Variants in PTX3 observed in about 807,000 individuals in gnomAD.
The protein encoded by PTX3 is pentraxin 3.
In PTX3, 24 loss-of-function variants were observed where a neutral mutation model predicts 23.5. The ratio of observed to expected loss-of-function variants is 1.02; its 90% CI spans 0.74 to 1.43. The LOEUF (loss-of-function observed/expected upper bound fraction) is 1.43, where lower values mean the gene tolerates loss of function less well. Among genes scored for constraint, PTX3 ranks in the 40% most tolerant of loss-of-function variants. PTX3 has a pLI of 0.00. For missense variants in PTX3, 510 were observed against 497.5 expected (o/e 1.02, Z -0.24); for synonymous variants, 218 against 205.4 (o/e 1.06, Z -0.53).
In PTX3 at chr3:157,442,579, T is replaced by C. The variant is rs1261660418; in HGVS notation, c.746T>C (p.Val249Ala). ...AGCTACCAATCCATAGTGTTTGTGG[T>C]GGGTGGAGAGGAGAACAAACTGGTT... ...YLSYQSIVFVVGGEENKLVAE... is the reference protein window; with the variant it reads ...YLSYQSIVFVAGGEENKLVAE... Residue 249 changes from valine (V) to alanine (A), a missense_variant, in exon 3 of 3, where the codon GTG (valine) becomes GCG (alanine). Physicochemically the swap from Val to Ala is moderately conservative, Grantham distance 64 (BLOSUM62 0). Transcript: ENST00000295927. 1 of 1,613,992 alleles carries C rather than the reference T, an allele frequency of 6.2e-7. No homozygotes were observed. Among genetic ancestry groups the C allele is most frequent in the Non-Finnish European group, 8.5e-7 (1 of 1,180,028 alleles).
rs753901706 is a variant in PTX3 at position 157,437,795 on chromosome 3, A to C, written c.413A>C (p.Glu138Ala). ...AGGCTGGCGCGTATGGAGGGCGCGGAGGCGCAGCGCCCAGAGGAGGCGGGG... is the reference window on the plus strand; with the variant it reads ...AGGCTGGCGCGTATGGAGGGCGCGGCGGCGCAGCGCCCAGAGGAGGCGGGG... ...GRRLARMEGA[E>A]AQRPEEAGRA... Residue 138 changes from glutamate to alanine, a missense_variant, in exon 2 of 3, where the codon GAG becomes GCG. Glu to Ala is a moderately radical substitution (Grantham distance 107). Transcript: ENST00000295927. 5.4e-5 allele frequency: 79 copies of C among 1,463,778 alleles called. No homozygotes were observed. The South Asian group carries it at 6.2e-4, about 12-fold the overall frequency. The allele number at this position is 1,463,778 out of a possible 1,614,324, so 90.7% of individuals were successfully genotyped here. A position where few individuals can be genotyped will look rare whatever the true frequency, so the allele number is the denominator to read the frequency against.
intron 2 of PTX3, among the ~76,000 whole-genome samples, 194 bp from the exon 3 acceptor site, chr3:157,442,172 C>T (rs1390602838): frequency 6.6e-6 from 1 of 152,100 alleles, no homozygotes; most frequent in Admixed American, 6.5e-5. Flanking sequence ...TTGGATAAGA[C>T]AATTGGCTTT....
intron 2 of PTX3, among the ~76,000 whole-genome samples, chr3:157,441,303 G>A (rs1444417650): frequency 1.3e-5 from 2 of 152,112 alleles, no homozygotes; most frequent in Non-Finnish European, 2.9e-5. Flanking sequence ...TTTTACCTAA[G>A]TTTTCTCATC....
chr3:157,440,268 G>A (rs1378329845), intron 2 of PTX3, among the ~76,000 whole-genome samples: 1 of 152,102 alleles, frequency 6.6e-6, no homozygotes, highest in African/African-American at 2.4e-5. Context: ...CCAGTTTTGT[G>A]TTTTAGTATT....
At position 157,437,034 on chromosome 3, in the gene PTX3, T is replaced by C. The variant is rs1733644679; in HGVS notation, c.101T>C (p.Ile34Thr). ...ATGTATGTGAATTTGGACAACGAAATAGACAATGGACTCCATCCCACTGAG... is the reference window on the plus strand; with the variant it reads ...ATGTATGTGAATTTGGACAACGAAACAGACAATGGACTCCATCCCACTGAG... The part of the protein sequence containing the change: ...DLMYVNLDNE[I>T]DNGLHPTEDP... The change falls in exon 1 of 3, where the codon ATA (isoleucine) becomes ACA (threonine). Residue 34 changes from isoleucine to threonine, a missense_variant. Ile to Thr is a moderately conservative substitution (Grantham distance 89, BLOSUM62 -1). Coordinates refer to ENST00000295927, the MANE Select transcript of PTX3 (RefSeq NM_002852.4). 6.2e-7 allele frequency: 1 copy of C among 1,614,064 alleles called. No individual in the cohort carries two copies. Among genetic ancestry groups the C allele is most frequent in the African/African-American group, 1.3e-5 (1 of 75,050 alleles).
chr3:157,442,839 T>A lies in PTX3; in HGVS notation c.1006T>A (p.Phe336Ile). ...AGCCTTCTCTGGGAGACTCACAGGC[T>A]TCAATATCTGGGATAGTGTTCTTAG... ...TLAFSGRLTG[F>I]NIWDSVLSNE... The change falls in exon 3 of 3, where the codon TTC becomes ATC. Residue 336 changes from phenylalanine (F) to isoleucine (I), a missense_variant. Physicochemically the swap from Phe to Ile is conservative, Grantham distance 21 (BLOSUM62 0). Transcript: ENST00000295927. 1.2e-6 allele frequency: 2 copies of A among 1,614,228 alleles called. No individual in the cohort carries two copies. The highest frequency in any genetic ancestry group is 8.5e-7 in the Non-Finnish European group (1 of 1,180,034).
In PTX3 at chr3:157,442,685, G is replaced by A; in HGVS notation, c.852G>A (p.Trp284Ter). Residue 284 changes from tryptophan to a stop codon, truncating the protein, a stop_gained, in exon 3 of 3, where the codon TGG (tryptophan) becomes TGA (stop). Transcript: ENST00000295927. LOFTEE classifies it high-confidence loss of function. ...WNSEEGLTSL[W>*]VNGELAATTV... is the part of the protein sequence containing the mutation. ...CAGAGGAAGGGCTCACATCCTTGTGGGTAAATGGTGAACTGGCGGCTACCA... is the reference window on the plus strand; with the variant it reads ...CAGAGGAAGGGCTCACATCCTTGTGAGTAAATGGTGAACTGGCGGCTACCA... The A allele has an allele frequency of 6.2e-7, 1 of 1,614,218 alleles. No individual in the cohort carries two copies. The highest frequency in any genetic ancestry group is 8.5e-7 in the Non-Finnish European group (1 of 1,180,046).
Position 157,442,434 on chromosome 3 carries a change from C to T in PTX3, c.601C>T (p.Pro201Ser), listed in dbSNP as rs773734629. The stretch of plus-strand genomic sequence containing the variant: ...TTTTGGAAGCGTGCATCCAGTGAGA[C>T]CAATGAGGCTTGAGTCTTTTAGTGC... ...KIFGSVHPVR[P>S]MRLESFSACI... Residue 201 changes from proline to serine, a missense_variant, in exon 3 of 3, where the codon CCA becomes TCA. By Grantham distance (74) the Pro-to-Ser change is moderately conservative (BLOSUM62 -1). Coordinates refer to ENST00000295927, the MANE Select transcript of PTX3 (RefSeq NM_002852.4). 2 of 1,614,156 alleles carry T rather than the reference C, an allele frequency of 1.2e-6. No individual in the cohort carries two copies. Among genetic ancestry groups the T allele is most frequent in the South Asian group, 1.1e-5 (1 of 91,086 alleles).
Position 157,436,925 on chromosome 3 carries a change from T to C in PTX3, c.-9T>C. On this transcript the variant is annotated 5_prime_UTR_variant, in exon 1 of 3. Transcript: ENST00000295927. Reference sequence around the variant, plus strand: ...CCAGCTGTGGAAAGAACTTTGCGTCTCTCCAGCAATGCATCTCCTTGCGAT... The same window carrying C: ...CCAGCTGTGGAAAGAACTTTGCGTCCCTCCAGCAATGCATCTCCTTGCGAT... 2 of 1,611,158 alleles carry C rather than the reference T, an allele frequency of 1.2e-6. No homozygotes were observed. Among genetic ancestry groups the C allele is most frequent in the Non-Finnish European group, 8.5e-7 (1 of 1,178,310 alleles).
chr3:157,442,062 T>C (rs1734165539), intron 2 of PTX3, among the ~76,000 whole-genome samples: 1 of 152,186 alleles, frequency 6.6e-6, no homozygotes, highest in South Asian at 2.1e-4. Context: ...AAAGAAAATA[T>C]GCAAATTGGA....
At chr3:157,438,037 G>GCACACA (rs781700719) in intron 2 of PTX3, 123 bp downstream of exon 2, 5,929 of 514,856 alleles carry the variant, frequency 0.012, 26 homozygotes, top group East Asian at 0.02. Flanking sequence ...GCGCGCGCGC[G>GCACACA]CACACACACA....
chr3:157,437,758 G>C lies in PTX3; in HGVS notation c.376G>C (p.Asp126His), dbSNP rs776007575. 31 of 1,488,502 alleles carry C rather than the reference G, an allele frequency of 2.1e-5. No individual in the cohort carries two copies. The highest frequency in any genetic ancestry group is 4.4e-5 in the African/African-American group (3 of 67,948). 92.2% of individuals were successfully genotyped at this position (1,488,502 alleles called of 1,614,324 possible). The part of the protein sequence containing the change: ...ALDELLQATR[D>H]AGRRLARMEG... ...GGACGAGCTGCTGCAGGCGACCCGCGACGCGGGCCGCAGGCTGGCGCGTAT... is the reference window on the plus strand; with the variant it reads ...GGACGAGCTGCTGCAGGCGACCCGCCACGCGGGCCGCAGGCTGGCGCGTAT... The change falls in exon 2 of 3, where the codon GAC becomes CAC. Residue 126 changes from aspartate (D) to histidine (H), a missense_variant. Transcript: ENST00000295927.
Position 157,442,646 on chromosome 3 carries a change from CG to C in PTX3, c.815del (p.Gly272AlafsTer14). 1 of 1,614,140 alleles carries C rather than the reference CG, an allele frequency of 6.2e-7. No individual in the cohort carries two copies. The highest frequency in any genetic ancestry group is 8.5e-7 in the Non-Finnish European group (1 of 1,180,028). ...CCCTGGGAAGGTGGACCCACCTGTGCGGCACCTGGAATTCAGAGGAAGGGCT... is the reference window on the plus strand; with the variant it reads ...CCCTGGGAAGGTGGACCCACCTGTGCGCACCTGGAATTCAGAGGAAGGGCT... Reference protein sequence around the residue: ...VSLGRWTHLCGTWNSEEGLTS... With the variant: ...VSLGRWTHLCXTWNSEEGLTS... On this transcript the variant is annotated frameshift_variant, in exon 3 of 3. Transcript: ENST00000295927. LOFTEE classifies it high-confidence loss of function.
In PTX3 at chr3:157,442,523, G is replaced by C; in HGVS notation, c.690G>C (p.Lys230Asn). The change falls in exon 3 of 3, where the codon AAG becomes AAC. Residue 230 changes from lysine to asparagine, a missense_variant. Transcript: ENST00000295927. ...CCATCCTGTTTTCCTATGGCACAAA[G>C]AGGAATCCATATGAAATCCAGCTGT... ...NKTILFSYGT[K>N]RNPYEIQLYL... is the part of the protein sequence containing the mutation. 1 of 1,614,228 alleles carries C rather than the reference G, an allele frequency of 6.2e-7. No homozygotes were observed. Among genetic ancestry groups the C allele is most frequent in the African/African-American group, 1.3e-5 (1 of 75,058 alleles).
At chr3:157,440,777 A>G (rs1734057812) in intron 2 of PTX3, among the ~76,000 whole-genome samples, 1 of 152,064 alleles carries the variant, frequency 6.6e-6, no homozygotes. Context: ...CAGCTTCCCA[A>G]ATGGCTAAGT....
intron 2 of PTX3, among the ~76,000 whole-genome samples, chr3:157,439,470 A>C (rs2109214191): frequency 6.6e-6 from 1 of 152,334 alleles, no homozygotes; most frequent in South Asian, 2.1e-4. Context: ...TAATCAGAAA[A>C]ACCTATTAGT....
intron 1 of PTX3, 101 bp from the exon 2 acceptor site, chr3:157,437,412 A>T (rs1577653793): frequency 1.4e-6 from 2 of 1,401,516 alleles, no homozygotes; most frequent in East Asian, 5.0e-5. Flanking sequence ...AATGCCAGGA[A>T]CGGGCTGCAA....
At position 157,437,704 on chromosome 3, in the gene PTX3, C is replaced by G; in HGVS notation, c.322C>G (p.Pro108Ala). The G allele has an allele frequency of 6.5e-7, 1 of 1,531,668 alleles. No homozygotes were observed. The highest frequency in any genetic ancestry group is 1.2e-5 in the South Asian group (1 of 83,236). The allele number at this position is 1,531,668 out of a possible 1,614,324, so 94.9% of individuals were successfully genotyped here. A position where few individuals can be genotyped will look rare whatever the true frequency, so the allele number is the denominator to read the frequency against. The change falls in exon 2 of 3, where the codon CCC (proline) becomes GCC (alanine). Residue 108 changes from proline to alanine, a missense_variant. Coordinates refer to ENST00000295927, the MANE Select transcript of PTX3 (RefSeq NM_002852.4). The stretch of plus-strand genomic sequence containing the variant: ...GGCGAGGCCGTGCGCGCCGGGGGCT[C>G]CCGCAGAGGCCAGGCTGACCAGTGC... ...SLARPCAPGA[P>A]AEARLTSALD...
chr3:157,437,149 G>A, intron 1 of PTX3, 86 bp downstream of exon 1: 1 of 1,514,830 alleles, frequency 6.6e-7, no homozygotes, highest in South Asian at 1.2e-5. Context: ...TTTGTGGCCA[G>A]TGAGACAAGT....
Sources: gnomAD v4.1 joint callset for allele counts (sites outside exome capture counted in the v4.1 genomes callset) on GRCh38, gnomAD v4.1.1 for gene constraint, MANE v1.5 for transcripts, NCBI Gene and HGNC (gene_info 2026-07-23, HGNC 2026-07-21) for gene names.